Variants in ERCC8 observed in about 807,000 individuals in gnomAD.
ERCC8 encodes the protein DNA excision repair protein ERCC-8.
Under a neutral mutation model 54.9 loss-of-function variants are expected in ERCC8, and 52 were observed. The ratio of observed to expected loss-of-function variants is 0.95; its 90% confidence interval spans 0.76 to 1.19. ERCC8 has a LOEUF of 1.19. ERCC8 is among the 50% of genes most tolerant of loss of function. The pLI, the probability that ERCC8 is intolerant of heterozygous loss-of-function variation, is 0.00. For synonymous variants in ERCC8, 146 were observed against 157.2 expected (o/e 0.93, Z 0.53); for missense variants, 514 against 466.1 (o/e 1.10, Z -0.95).
At chr5:60,934,674 T>G (rs1242822414) in intron 1 of ERCC8, among the ~76,000 whole-genome samples, 1 of 152,256 alleles carries the variant, frequency 6.6e-6, no homozygotes, top group Non-Finnish European at 1.5e-5. Flanking sequence ...CAATGTTATC[T>G]TCTAGAATTT....
intron 9 of ERCC8, chr5:60,891,913 G>A (rs1013124996): frequency 1.4e-5 from 7 of 493,210 alleles, no homozygotes; most frequent in South Asian, 6.4e-5. Flanking sequence ...GATCGGAAGG[G>A]AAGTGAGATC....
chr5:60,867,951 C>T lies in ERCC8; in HGVS notation c.*6664G>A, dbSNP rs551878817. Among the ~76,000 whole-genome samples, 135 of 152,284 alleles carry T rather than the reference C, an allele frequency of 8.9e-4. No individual in the cohort carries two copies. Among genetic ancestry groups the T allele is most frequent in the African/African-American group, 2.8e-3 (116 of 41,570 alleles). ...ATCCCTGCACTTTGGGAGGTCAAGGCGGGCAGATCACCTGAGGTCAGGAGT... is the reference window on the plus strand; with the variant it reads ...ATCCCTGCACTTTGGGAGGTCAAGGTGGGCAGATCACCTGAGGTCAGGAGT... On this transcript the variant is annotated 3_prime_UTR_variant, in exon 12 of 12. Transcript: ENST00000676185.
At position 60,904,992 on chromosome 5, in the gene ERCC8, A is replaced by G. The variant is rs1233404262; in HGVS notation, c.400-119T>C. On this transcript the variant is annotated intron_variant, in intron 4 of 11. Transcript: ENST00000676185. ...TTTTAAATTGACTGTTAGCAATTCA[A>G]CTTAAACATAGGAATGTAATACCCC... The G allele has an allele frequency of 8.4e-5, 45 of 536,542 alleles. No individual in the cohort carries two copies. The East Asian group carries it at 1.5e-3, about 18-fold the overall frequency. 33.2% of individuals were successfully genotyped at this position (536,542 alleles called of 1,614,324 possible).
chr5:60,877,196 GC>G (rs1169663032), intron 11 of ERCC8, among the ~76,000 whole-genome samples: 2 of 152,142 alleles, frequency 1.3e-5, no homozygotes, highest in African/African-American at 4.8e-5. Flanking sequence ...TTGTAGATAT[GC>G]AGCATTACTT....
At chr5:60,903,864 G>A (rs1748975362) in intron 5 of ERCC8, 148 bp from the exon 6 acceptor site, 1 of 765,930 alleles carries the variant, frequency 1.3e-6, no homozygotes, top group South Asian at 1.8e-5. Context: ...CATTTTTAAT[G>A]TTTACATTTA....
At chr5:60,941,830 G>A (rs1426777683) in intron 1 of ERCC8, among the ~76,000 whole-genome samples, 1 of 152,144 alleles carries the variant, frequency 6.6e-6, no homozygotes, top group Non-Finnish European at 1.5e-5. Flanking sequence ...CAGGAATAAA[G>A]AGACAGCAAC....
At chr5:60,893,251 G>A (rs545686341) in intron 9 of ERCC8, 6 of 1,005,358 alleles carry the variant, frequency 6.0e-6, no homozygotes, top group African/African-American at 3.2e-5. Flanking sequence ...TAGTGGCCTC[G>A]TCATCCAGCT....
rs372171306 is a variant in ERCC8, at chr5:60,894,021, G to T, written c.844-2935C>A. ...TTTTTTTGAGACAGAGTCTTGCTCT[G>T]TCGCCCAGGCTGGAGTGCAGTGGCG... On this transcript the variant is annotated intron_variant, in intron 9 of 11. Coordinates refer to ENST00000676185, the MANE Select transcript of ERCC8 (RefSeq NM_000082.4). Among the ~76,000 whole-genome samples, 348 of 131,510 alleles carry T rather than the reference G, an allele frequency of 2.6e-3. 1 individual carries two copies. The highest frequency in any genetic ancestry group is 0.025 in the Middle Eastern group (5 of 202). The allele number at this position is 131,510 out of a possible 152,430, so 86.3% of individuals were successfully genotyped here. A position where few individuals can be genotyped will look rare whatever the true frequency, so the allele number is the denominator to read the frequency against.
At chr5:60,942,572 A>G (rs1750292854) in intron 1 of ERCC8, among the ~76,000 whole-genome samples, 1 of 152,322 alleles carries the variant, frequency 6.6e-6, no homozygotes, top group Non-Finnish European at 1.5e-5. Flanking sequence ...ATAAAATACT[A>G]GATATGCAAA....
chr5:60,876,452 T>C lies in ERCC8; in HGVS notation c.1123-1769A>G, dbSNP rs186766096. 4.9e-4 allele frequency among the ~76,000 whole-genome samples: 75 copies of C among 152,278 alleles called. 1 individual carries two copies. In the East Asian group the frequency reaches 0.012, roughly 23 times the overall value. On this transcript the variant is annotated intron_variant, in intron 11 of 11. Coordinates refer to ENST00000676185, the MANE Select transcript of ERCC8 (RefSeq NM_000082.4). ...TAGTTCTAGATACCTGGGGAATTCC[T>C]ACATGGACTTCCACAATGGTTGAAC...
At position 60,875,513 on chromosome 5, in the gene ERCC8, T is replaced by G. The variant is rs553237027; in HGVS notation, c.1123-830A>C. ...TAGCTACTTCTGATACTCATGCAAA[T>G]AACTAAAAGGGCTTTAAGATGGTCT... On this transcript the variant is annotated intron_variant, in intron 11 of 11. Coordinates refer to ENST00000676185, the MANE Select transcript of ERCC8 (RefSeq NM_000082.4). Among the ~76,000 whole-genome samples, 11 of 152,326 alleles carry G rather than the reference T, an allele frequency of 7.2e-5. No homozygotes were observed. In the South Asian group the frequency reaches 1.7e-3, roughly 23 times the overall value.
At chr5:60,914,782 T>C (rs1173523214) in intron 4 of ERCC8, among the ~76,000 whole-genome samples, 1 of 129,626 alleles carries the variant, frequency 7.7e-6, no homozygotes, top group Admixed American at 8.1e-5. Flanking sequence ...GCAAGACTCT[T>C]GTCTCTTAAA....
At chr5:60,916,308 G>A (rs754924186) in intron 4 of ERCC8, among the ~76,000 whole-genome samples, 14 of 151,984 alleles carry the variant, frequency 9.2e-5, no homozygotes, top group Non-Finnish European at 1.6e-4. Flanking sequence ...CCTCTTAGAA[G>A]CTATCCAATG....
Position 60,867,051 on chromosome 5 carries a change from T to G in ERCC8, c.*7564A>C, listed in dbSNP as rs554878587. ...CGGGGTTTCACCATGTTAGCCAGGA[T>G]GGTCTCGATCTCCTGACCTCGTGAT... On this transcript the variant is annotated 3_prime_UTR_variant, in exon 12 of 12. Coordinates refer to ENST00000676185, the MANE Select transcript of ERCC8 (RefSeq NM_000082.4). The G allele has an allele frequency of 6.6e-6, 1 of 152,064 alleles. No individual in the cohort carries two copies. Among genetic ancestry groups the G allele is most frequent in the African/African-American group, 2.4e-5 (1 of 41,398 alleles). 9.4% of individuals were successfully genotyped at this position (152,064 alleles called of 1,614,324 possible). A position where few individuals can be genotyped will look rare whatever the true frequency, so the allele number is the denominator to read the frequency against.
chr5:60,877,261 C>T (rs969244493), intron 11 of ERCC8, among the ~76,000 whole-genome samples: 20 of 152,138 alleles, frequency 1.3e-4, no homozygotes, highest in African/African-American at 3.4e-4. Flanking sequence ...GTACCAGTAC[C>T]GTGCTGTTTT....
chr5:60,868,383 C>T lies in ERCC8; in HGVS notation c.*6232G>A, dbSNP rs1014908522. The stretch of plus-strand genomic sequence containing the variant: ...ATCAATCCACTAGCACAAAGTTTAC[C>T]AGTATCTTCATGAGGAGTGGTCAGT... On this transcript the variant is annotated 3_prime_UTR_variant, in exon 12 of 12. Transcript: ENST00000676185. Among the ~76,000 whole-genome samples, 5 of 152,218 alleles carry T rather than the reference C, an allele frequency of 3.3e-5. No individual in the cohort carries two copies. The highest frequency in any genetic ancestry group is 1.2e-4 in the African/African-American group (5 of 41,546).
intron 10 of ERCC8, among the ~76,000 whole-genome samples, chr5:60,890,144 C>A (rs1748505968): frequency 6.6e-6 from 1 of 152,054 alleles, no homozygotes; most frequent in African/African-American, 2.4e-5. Context: ...CAGTGTCAGG[C>A]ACAAATTAGG....
rs896333298 is a variant in ERCC8, at chr5:60,891,215, C to T, written c.844-129G>A. 40 of 662,452 alleles carry T rather than the reference C, an allele frequency of 6.0e-5. 2 individuals carry two copies. Among genetic ancestry groups the T allele is most frequent in the South Asian group, 5.8e-4 (32 of 55,070 alleles). The allele number at this position is 662,452 out of a possible 1,614,324, so 41.0% of individuals were successfully genotyped here. A position where few individuals can be genotyped will look rare whatever the true frequency, so the allele number is the denominator to read the frequency against. On this transcript the variant is annotated intron_variant, in intron 9 of 11. Transcript: ENST00000676185. Reference sequence around the variant, plus strand: ...TTTTAAATTTAAGGAAAATATTCAACGTTGACAGAACAAGGGCCAATGACA... The same window carrying T: ...TTTTAAATTTAAGGAAAATATTCAATGTTGACAGAACAAGGGCCAATGACA...
At position 60,915,823 on chromosome 5, in the gene ERCC8, G is replaced by C. The variant is rs1458127757; in HGVS notation, c.399+2442C>G. On this transcript the variant is annotated intron_variant, in intron 4 of 11. Transcript: ENST00000676185. ...TAGGATAATTCAGTATTATCTCCCT[G>C]TCTTGAGGTCAGGTGATTGGCAACC... Among the ~76,000 whole-genome samples, 13 of 151,952 alleles carry C rather than the reference G, an allele frequency of 8.6e-5. 1 individual carries two copies. The highest frequency in any genetic ancestry group is 8.5e-4 in the Admixed American group (13 of 15,222).
Sources: allele counts gnomAD v4.1 joint callset (sites outside exome capture counted in the v4.1 genomes callset), GRCh38; gene constraint gnomAD v4.1.1; transcripts MANE v1.5; gene names NCBI Gene and HGNC (gene_info 2026-07-23, HGNC 2026-07-21).